The following ZYG11B variants were observed in gnomAD, a reference collection of about 807,000 sequenced individuals.
ZYG11B encodes zyg-11 family member B, cell cycle regulator.
A neutral mutation model predicts 82.4 loss-of-function variants in ZYG11B; 36 were observed. The ratio of observed to expected loss-of-function variants is 0.44; its 90% CI spans 0.33 to 0.58. The LOEUF (loss-of-function observed/expected upper bound fraction) is 0.58. ZYG11B is among the 20% of genes least tolerant of loss of function. The pLI is 0.02. For synonymous variants in ZYG11B, 303 were observed against 312.8 expected (o/e 0.97, Z 0.33); for missense variants, 552 against 895.6 (o/e 0.62, Z 4.90).
intron 4 of ZYG11B, among the ~76,000 whole-genome samples, chr1:52,782,740 G>C (rs962546071): frequency 3.3e-5 from 5 of 151,822 alleles, no homozygotes; most frequent in Non-Finnish European, 5.9e-5. Flanking sequence ...ACCACACCGG[G>C]CTAATTTTGT....
At chr1:52,772,297 A>C in intron 3 of ZYG11B, 1 of 1,359,718 alleles carries the variant, frequency 7.4e-7, no homozygotes, top group Non-Finnish European at 1.1e-6. Flanking sequence ...CTGGCTCTCT[A>C]TCAGAATCAG....
At chr1:52,775,566 C>T (rs1209720641) in intron 3 of ZYG11B, among the ~76,000 whole-genome samples, 2 of 152,232 alleles carry the variant, frequency 1.3e-5, no homozygotes, top group East Asian at 3.9e-4. Flanking sequence ...TGGCACATGC[C>T]TGTAATCCCA....
intron 1 of ZYG11B, among the ~76,000 whole-genome samples, chr1:52,728,937 T>A (rs1011743125): frequency 7.0e-4 from 106 of 152,026 alleles, no homozygotes; most frequent in African/African-American, 2.5e-3. Context: ...TTATATAGCA[T>A]GGAAGGATGC....
chr1:52,797,800 T>C (rs984553590), intron 8 of ZYG11B, among the ~76,000 whole-genome samples: 4 of 149,282 alleles, frequency 2.7e-5, no homozygotes, highest in African/African-American at 9.8e-5. Flanking sequence ...TGAGCCACCG[T>C]GCCCGGCCAA....
At chr1:52,784,335 A>G (rs1018976327) in intron 4 of ZYG11B, among the ~76,000 whole-genome samples, 2 of 152,192 alleles carry the variant, frequency 1.3e-5, no homozygotes, top group Non-Finnish European at 2.9e-5. Context: ...GGGTTTCACC[A>G]TGTTGCCCAG....
chr1:52,816,685 C>T, intron 13 of ZYG11B, 56 bp downstream of exon 13: 1 of 1,292,980 alleles, frequency 7.7e-7, no homozygotes, highest in Non-Finnish European at 1.1e-6. Context: ...ATTCTCATTT[C>T]CCAGGAAAGA....
chr1:52,784,872 T>C lies in ZYG11B; in HGVS notation c.1093-5T>C. 1 of 1,611,640 alleles carries C rather than the reference T, an allele frequency of 6.2e-7. No individual in the cohort carries two copies. The stretch of plus-strand genomic sequence containing the variant: ...GAATTAAGAGGACTAATTTTTTTTT[T>C]CCAGCTTGTGGTTACTGGGATGAGA... On this transcript the variant is annotated splice_region_variant and splice_polypyrimidine_tract_variant and intron_variant, in intron 4 of 13. Coordinates refer to ENST00000294353, the MANE Select transcript of ZYG11B (RefSeq NM_024646.3).
intron 1 of ZYG11B, among the ~76,000 whole-genome samples, chr1:52,734,247 C>G (rs1226940057): frequency 6.6e-6 from 1 of 152,030 alleles, no homozygotes; most frequent in Non-Finnish European, 1.5e-5. Flanking sequence ...ATCCTACTGC[C>G]TCAGCCCATC....
intron 10 of ZYG11B, among the ~76,000 whole-genome samples, chr1:52,812,333 A>T (rs77020753): frequency 1.3e-5 from 2 of 152,084 alleles, no homozygotes; most frequent in Non-Finnish European, 2.9e-5. Context: ...TTGTTCTTGC[A>T]TGCAGTTACT....
At chr1:52,761,234 G>T (rs1255267915) in intron 2 of ZYG11B, among the ~76,000 whole-genome samples, 2 of 152,100 alleles carry the variant, frequency 1.3e-5, no homozygotes, top group African/African-American at 4.8e-5. Context: ...TTGAAACTAT[G>T]AATTATTGTT....
intron 2 of ZYG11B, among the ~76,000 whole-genome samples, chr1:52,765,923 T>C (rs1644679222): frequency 6.6e-6 from 1 of 152,192 alleles, no homozygotes; most frequent in African/African-American, 2.4e-5. Context: ...GTTCTTGTTA[T>C]TTAAATTAGG....
rs761546771 is a variant in ZYG11B at position 52,758,272 on chromosome 1, T to C, written c.196+1649T>C. Among the ~76,000 whole-genome samples, 25 of 152,234 alleles carry C rather than the reference T, an allele frequency of 1.6e-4. No individual in the cohort carries two copies. In the Middle Eastern group the frequency reaches 0.01, roughly 62 times the overall value. ...AAACTCATAAGTATGGAATATGATT[T>C]GTCCACAGCTATAGAATAGAATGTA... On this transcript the variant is annotated intron_variant, in intron 2 of 13. Coordinates refer to ENST00000294353, the MANE Select transcript of ZYG11B (RefSeq NM_024646.3).
chr1:52,738,092 A>T (rs1644392614), intron 1 of ZYG11B, among the ~76,000 whole-genome samples: 1 of 152,248 alleles, frequency 6.6e-6, no homozygotes, highest in Non-Finnish European at 1.5e-5. Flanking sequence ...ACTTGTCTAT[A>T]TAATTTGTAG....
In ZYG11B at chr1:52,801,819, C is replaced by A; in HGVS notation, c.1486C>A (p.Gln496Lys). The part of the protein sequence containing the change: ...QLGTELFIVR[Q>K]LLQIVKQKTN... ...TTATTTCTGTTTTTTTTTTTTTCAG[C>A]AACTTCTTCAAATAGTGAAGCAGAA... The change falls in exon 9 of 14, where the codon CAA becomes AAA. Residue 496 changes from glutamine to lysine, a missense_variant and splice_region_variant. By Grantham distance (53) the Gln-to-Lys change is moderately conservative. Coordinates refer to ENST00000294353, the MANE Select transcript of ZYG11B (RefSeq NM_024646.3). 2 of 1,552,178 alleles carry A rather than the reference C, an allele frequency of 1.3e-6. No individual in the cohort carries two copies. The highest frequency in any genetic ancestry group is 1.7e-6 in the Non-Finnish European group (2 of 1,152,608).
chr1:52,735,845 T>G (rs1364196038), intron 1 of ZYG11B, among the ~76,000 whole-genome samples: 1 of 152,166 alleles, frequency 6.6e-6, no homozygotes, highest in Non-Finnish European at 1.5e-5. Flanking sequence ...CAATAGACCC[T>G]GTGAAGATAC....
At chr1:52,747,587 T>TC (rs557346074) in intron 1 of ZYG11B, among the ~76,000 whole-genome samples, 2 of 152,076 alleles carry the variant, frequency 1.3e-5, no homozygotes, top group African/African-American at 4.8e-5. Flanking sequence ...TCTTTTTTTT[T>TC]TCTCTCTCTC....
At chr1:52,741,321 A>AAAAGT (rs1553257630) in intron 1 of ZYG11B, among the ~76,000 whole-genome samples, 1 of 125,480 alleles carries the variant, frequency 8.0e-6, no homozygotes, top group African/African-American at 2.8e-5. Context: ...AAAAAAAAAG[A>AAAAGT]AAAGAAAAGA....
intron 4 of ZYG11B, among the ~76,000 whole-genome samples, chr1:52,780,659 C>T (rs1644847713): frequency 6.6e-6 from 1 of 152,030 alleles, no homozygotes; most frequent in South Asian, 2.1e-4. Context: ...ACTGTGTTCC[C>T]CAGGCAAGAG....
At chr1:52,731,705 A>T (rs1644333802) in intron 1 of ZYG11B, among the ~76,000 whole-genome samples, 1 of 152,204 alleles carries the variant, frequency 6.6e-6, no homozygotes, top group South Asian at 2.1e-4. Flanking sequence ...AAATACTAAG[A>T]AAAAATAAAC....
Sources: allele counts gnomAD v4.1 joint callset (sites outside exome capture counted in the v4.1 genomes callset), GRCh38; gene constraint gnomAD v4.1.1; transcripts MANE v1.5; gene names NCBI Gene and HGNC (gene_info 2026-07-23, HGNC 2026-07-21).